ISY1: variants seen among roughly 807,000 people sequenced by gnomAD.
ISY1 encodes the protein pre-mRNA-splicing factor ISY1 homolog.
ISY1 carries 12 observed loss-of-function variants against 54.4 expected under a neutral mutation model. The ratio of observed to expected loss-of-function variants is 0.22; its 90% CI spans 0.14 to 0.36. The LOEUF is 0.36. ISY1 is among the 10% of genes least tolerant of loss of function. ISY1 has a pLI of 1.00. For synonymous variants in ISY1, 96 were observed against 117.9 expected (o/e 0.81, Z 1.20); for missense variants, 282 against 342.2 (o/e 0.82, Z 1.39).
At chr3:129,145,469 C>T (rs879495272) in intron 6 of ISY1, among the ~76,000 whole-genome samples, 2 of 152,112 alleles carry the variant, frequency 1.3e-5, no homozygotes, top group South Asian at 2.1e-4. Flanking sequence ...GTGATCTGCC[C>T]GCCTCGGCCT....
intron 5 of ISY1, among the ~76,000 whole-genome samples, chr3:129,148,583 T>C (rs1465921213): frequency 6.6e-6 from 1 of 152,248 alleles, no homozygotes; most frequent in Non-Finnish European, 1.5e-5. Flanking sequence ...ATTTTATGTT[T>C]TGAGACAGTC....
At chr3:129,135,710 G>A (rs1199305037) in intron 7 of ISY1, among the ~76,000 whole-genome samples, 1 of 151,194 alleles carries the variant, frequency 6.6e-6, no homozygotes, top group Non-Finnish European at 1.5e-5. Flanking sequence ...AGGTTGCAGT[G>A]AGCGAAGACT....
At chr3:129,146,411 G>A (rs1194462726) in intron 5 of ISY1, among the ~76,000 whole-genome samples, 1 of 152,166 alleles carries the variant, frequency 6.6e-6, no homozygotes, top group East Asian at 1.9e-4. Context: ...TGCAGCTGGG[G>A]CATCACACCA....
chr3:129,128,063 T>C lies in ISY1; in HGVS notation c.*2018A>G, dbSNP rs538676223. 6 of 152,548 alleles carry C rather than the reference T, an allele frequency of 3.9e-5. No individual in the cohort carries two copies. In the South Asian group the frequency reaches 1.0e-3, roughly 26 times the overall value. 9.4% of individuals were successfully genotyped at this position (152,548 alleles called of 1,614,324 possible). On this transcript the variant is annotated 3_prime_UTR_variant, in exon 11 of 11. Coordinates refer to ENST00000393295, the MANE Select transcript of ISY1 (RefSeq NM_020701.4). The stretch of plus-strand genomic sequence containing the variant: ...GAGGCCTCTGCCCAAACCACAGGAC[T>C]GCCCAGACCCCAGAGCAAACTGAGA...
At chr3:129,145,942 T>G in intron 5 of ISY1, 69 bp from the exon 6 acceptor site, 6 of 1,443,078 alleles carry the variant, frequency 4.2e-6, no homozygotes, top group African/African-American at 1.4e-5. Flanking sequence ...CACGTACACT[T>G]AGTATCATAT....
chr3:129,148,023 T>C (rs1310371249), intron 5 of ISY1, among the ~76,000 whole-genome samples: 1 of 152,150 alleles, frequency 6.6e-6, no homozygotes, highest in Non-Finnish European at 1.5e-5. Flanking sequence ...GATGAGGCCT[T>C]ACTATGTTGC....
intron 9 of ISY1, among the ~76,000 whole-genome samples, chr3:129,132,358 T>A (rs910646750): frequency 2.0e-5 from 3 of 152,030 alleles, no homozygotes; most frequent in Non-Finnish European, 4.4e-5. Context: ...GAAAAAAAAA[T>A]TCTGCTGTGG....
At chr3:129,151,959 G>A (rs1302142579) in intron 5 of ISY1, among the ~76,000 whole-genome samples, 1 of 152,108 alleles carries the variant, frequency 6.6e-6, no homozygotes, top group Non-Finnish European at 1.5e-5. Context: ...GGGAATTCGA[G>A]ACCAGCCTTG....
chr3:129,155,561 C>T (rs183794038), intron 5 of ISY1, among the ~76,000 whole-genome samples: 3 of 152,162 alleles, frequency 2.0e-5, no homozygotes, highest in Non-Finnish European at 2.9e-5. Flanking sequence ...TTTGACATTA[C>T]GTTTTCACTC....
At position 129,153,880 on chromosome 3, in the gene ISY1, G is replaced by A. The variant is rs558492217; in HGVS notation, c.187+2753C>T. Among the ~76,000 whole-genome samples the A allele has an allele frequency of 2.6e-5, 4 of 152,218 alleles. No homozygotes were observed. The East Asian group carries it at 7.8e-4, about 30-fold the overall frequency. On this transcript the variant is annotated intron_variant, in intron 5 of 10. Transcript: ENST00000393295. ...AGCACTTTGGAAGGCCGAGGAGGGTGGATCCCCTGAGGTCAGGAATTGAAG... is the reference window on the plus strand; with the variant it reads ...AGCACTTTGGAAGGCCGAGGAGGGTAGATCCCCTGAGGTCAGGAATTGAAG...
chr3:129,156,837 G>T lies in ISY1; in HGVS notation c.144+18C>A. On this transcript the variant is annotated intron_variant, in intron 4 of 10. Coordinates refer to ENST00000393295, the MANE Select transcript of ISY1 (RefSeq NM_020701.4). ...AGACTTGTTACTTCTACTGAAATCA[G>T]ATTTACCCAGAACATACCTGTCGTC... The T allele has an allele frequency of 6.2e-7, 1 of 1,610,294 alleles. No individual in the cohort carries two copies. The highest frequency in any genetic ancestry group is 2.2e-5 in the East Asian group (1 of 44,818).
intron 5 of ISY1, among the ~76,000 whole-genome samples, chr3:129,156,375 G>T (rs371979274): frequency 1.4e-5 from 2 of 147,702 alleles, no homozygotes; most frequent in Non-Finnish European, 1.5e-5. Context: ...CTCCAGCCTG[G>T]GTGACAGAGT....
rs183551068 is a variant in ISY1 at position 129,155,134 on chromosome 3, T to C, written c.187+1499A>G. On this transcript the variant is annotated intron_variant, in intron 5 of 10. Coordinates refer to ENST00000393295, the MANE Select transcript of ISY1 (RefSeq NM_020701.4). ...GCTCTTCTTTTCTAATTTCACAGGG[T>C]AGAAGCTTAGATCACTGATTTGAAA... 2.0e-5 allele frequency among the ~76,000 whole-genome samples: 3 copies of C among 151,992 alleles called. No individual in the cohort carries two copies. The East Asian group carries it at 5.8e-4, about 29-fold the overall frequency.
intron 3 of ISY1, 132 bp downstream of exon 3, chr3:129,158,376 C>T (rs1045638481): frequency 1.9e-4 from 238 of 1,284,178 alleles, no homozygotes; most frequent in Middle Eastern, 1.2e-3. Flanking sequence ...CCAGACTGGT[C>T]TCAAACTCCT....
intron 6 of ISY1, chr3:129,144,054 G>A (rs1190707436): frequency 7.5e-6 from 2 of 267,194 alleles, no homozygotes; most frequent in Admixed American, 4.3e-5. Context: ...TTTCACATAC[G>A]AATTTTTTCA....
At chr3:129,155,121 T>G (rs982154674) in intron 5 of ISY1, among the ~76,000 whole-genome samples, 1 of 151,964 alleles carries the variant, frequency 6.6e-6, no homozygotes, top group Admixed American at 6.6e-5. Context: ...TCTTCTTTTC[T>G]AATTTCACAG....
At chr3:129,150,628 G>A (rs951598163) in intron 5 of ISY1, among the ~76,000 whole-genome samples, 2 of 151,750 alleles carry the variant, frequency 1.3e-5, no homozygotes, top group South Asian at 4.2e-4. Context: ...CAGGAGAATG[G>A]CATGAACCTG....
In ISY1 at chr3:129,134,148, G is replaced by T; in HGVS notation, c.589C>A (p.Leu197Met). The change falls in exon 9 of 11, where the codon CTG becomes ATG. Residue 197 changes from leucine (L) to methionine (M), a missense_variant. Coordinates refer to ENST00000393295, the MANE Select transcript of ISY1 (RefSeq NM_020701.4). ...TCCTCTTCCTTTTCTCCTCTTGCCAGCCGAGCCTCTCTCTCTGCTTTCCAC... is the reference window on the plus strand; with the variant it reads ...TCCTCTTCCTTTTCTCCTCTTGCCATCCGAGCCTCTCTCTCTGCTTTCCAC... Reference protein sequence around the residue: ...EKWKAEREARLARGEKEEEEE... With the variant: ...EKWKAEREARMARGEKEEEEE... The T allele has an allele frequency of 6.2e-7, 1 of 1,614,114 alleles. No homozygotes were observed. Among genetic ancestry groups the T allele is most frequent in the Non-Finnish European group, 8.5e-7 (1 of 1,180,040 alleles).
intron 5 of ISY1, among the ~76,000 whole-genome samples, chr3:129,153,948 A>G (rs1429363848): frequency 6.6e-6 from 1 of 151,868 alleles, no homozygotes; most frequent in African/African-American, 2.4e-5. Context: ...CTACTAAAAA[A>G]TTACAAAAAT....
Sources: gnomAD v4.1 joint callset for allele counts (sites outside exome capture counted in the v4.1 genomes callset) on GRCh38, gnomAD v4.1.1 for gene constraint, MANE v1.5 for transcripts, NCBI Gene and HGNC (gene_info 2026-07-23, HGNC 2026-07-21) for gene names.